NT5C1B: variants seen among roughly 807,000 people sequenced by gnomAD.
NT5C1B encodes the protein 5'-nucleotidase, cytosolic IB, also known as cytosolic 5'-nucleotidase 1B.
Under a neutral mutation model 57.8 loss-of-function variants are expected in NT5C1B, and 44 were observed. That is an observed-to-expected ratio of 0.76 (90% confidence interval 0.60 to 0.98). NT5C1B has a LOEUF of 0.98. Among genes scored for constraint, NT5C1B ranks in the 50% least tolerant of loss-of-function variants. The pLI, the probability that NT5C1B is intolerant of heterozygous loss-of-function variation, is 0.00. For missense variants in NT5C1B, 742 were observed against 719.5 expected (o/e 1.03, Z -0.36); for synonymous variants, 284 against 282.6 (o/e 1.00, Z -0.05).
intron 3 of NT5C1B, among the ~76,000 whole-genome samples, chr2:18,585,579 A>G (rs1283640538): frequency 6.6e-6 from 1 of 152,188 alleles, no homozygotes; most frequent in Non-Finnish European, 1.5e-5. Flanking sequence ...GGTGAAGCAC[A>G]GTTACATAGA....
intron 2 of NT5C1B, chr2:18,587,233 T>G (rs1196874690): frequency 1.3e-6 from 2 of 1,548,634 alleles, no homozygotes; most frequent in African/African-American, 2.7e-5. Flanking sequence ...CTCCCTGATT[T>G]GAACAAAGAC....
chr2:18,578,990 C>A (rs1665947002), intron 6 of NT5C1B, among the ~76,000 whole-genome samples: 1 of 152,088 alleles, frequency 6.6e-6, no homozygotes, highest in East Asian at 1.9e-4. Flanking sequence ...TTTCTATATA[C>A]CAACAATGTT....
At chr2:18,582,687 T>C (rs1666282896) in intron 6 of NT5C1B, among the ~76,000 whole-genome samples, 181 bp downstream of exon 6, 1 of 152,186 alleles carries the variant, frequency 6.6e-6, no homozygotes, top group African/African-American at 2.4e-5. Flanking sequence ...AACTCTGTGC[T>C]GAAGTTAAAA....
At chr2:18,586,631 T>C (rs1039935367) in intron 2 of NT5C1B, 20 of 638,812 alleles carry the variant, frequency 3.1e-5, no homozygotes, top group Admixed American at 2.2e-4. Flanking sequence ...AAAACCAAGA[T>C]GCAAACATAT....
At chr2:18,568,215 T>TA (rs1234874300) in intron 8 of NT5C1B, among the ~76,000 whole-genome samples, 20 of 151,530 alleles carry the variant, frequency 1.3e-4, no homozygotes, top group African/African-American at 4.9e-4. Context: ...GGACCAAAGA[T>TA]ACAAAATTCA....
chr2:18,563,831 C>T lies in NT5C1B; in HGVS notation c.1618G>A (p.Ala540Thr), dbSNP rs1271872801. Reference sequence around the variant, plus strand: ...AATTTTTTATTAAAGCCATAAGCTGCGATGGAACCTAACCTCTGTGCCCCT... The same window carrying T: ...AATTTTTTATTAAAGCCATAAGCTGTGATGGAACCTAACCTCTGTGCCCCT... Residue 540 changes from alanine (A) to threonine (T), a missense_variant, in exon 9 of 9, where the codon GCA becomes ACA. Transcript: ENST00000304081. 6.9e-6 allele frequency: 11 copies of T among 1,587,544 alleles called. No individual in the cohort carries two copies. The highest frequency in any genetic ancestry group is 2.7e-5 in the African/African-American group (2 of 73,844).
chr2:18,580,505 C>T (rs1442561124), intron 6 of NT5C1B, among the ~76,000 whole-genome samples: 1 of 152,148 alleles, frequency 6.6e-6, no homozygotes, highest in Non-Finnish European at 1.5e-5. Flanking sequence ...ATCCCAGCTA[C>T]TCGGGAGGCT....
chr2:18,568,436 A>T (rs1664853323), intron 8 of NT5C1B, among the ~76,000 whole-genome samples: 1 of 152,176 alleles, frequency 6.6e-6, no homozygotes, highest in Admixed American at 6.5e-5. Flanking sequence ...TAAACAAAAC[A>T]AAATAAAACA....
chr2:18,582,725 T>C (rs1371659863), intron 6 of NT5C1B, 143 bp downstream of exon 6: 31 of 1,275,464 alleles, frequency 2.4e-5, no homozygotes, highest in Non-Finnish European at 3.3e-5. Context: ...TGTTCTGACA[T>C]AGGCAAATAA....
chr2:18,589,499 A>T lies in NT5C1B; in HGVS notation c.-31T>A. The T allele has an allele frequency of 6.2e-7, 1 of 1,613,712 alleles. No homozygotes were observed. Among genetic ancestry groups the T allele is most frequent in the Non-Finnish European group, 8.5e-7 (1 of 1,179,928 alleles). On this transcript the variant is annotated 5_prime_UTR_variant, in exon 1 of 9. It removes the in-frame stop codon of an upstream open reading frame in the 5' UTR. Coordinates refer to ENST00000304081, the Ensembl canonical transcript of NT5C1B. ...TACCTGTTGAAATTCTTTTGTTGTT[A>T]TCCACATTTTTGTCTCCCCAGCTCC...
At chr2:18,576,967 T>C in intron 6 of NT5C1B, 72 bp from the exon 7 acceptor site, 13 of 1,599,370 alleles carry the variant, frequency 8.1e-6, no homozygotes, top group Non-Finnish European at 1.1e-5. Flanking sequence ...AAGTAAAAGT[T>C]ACCTTAGAGA....
intron 8 of NT5C1B, among the ~76,000 whole-genome samples, chr2:18,565,602 C>A (rs1038352200): frequency 3.3e-5 from 5 of 152,124 alleles, no homozygotes; most frequent in African/African-American, 1.2e-4. Flanking sequence ...CATGAGTAGG[C>A]AGCCCAGATA....
At chr2:18,586,449 C>T (rs960235416) in intron 2 of NT5C1B, 58 bp from the exon 3 acceptor site, 35 of 1,596,456 alleles carry the variant, frequency 2.2e-5, no homozygotes, top group Non-Finnish European at 2.5e-5. Flanking sequence ...TCCTTCTATA[C>T]GTGTGCCTGC....
chr2:18,588,070 A>T (rs1161948911), intron 1 of NT5C1B, among the ~76,000 whole-genome samples: 2 of 152,118 alleles, frequency 1.3e-5, no homozygotes. Flanking sequence ...AAATATAAGG[A>T]CCTTAATCTC....
At chr2:18,589,373 A>G in intron 1 of NT5C1B, 66 bp downstream of exon 1, 2 of 1,609,240 alleles carry the variant, frequency 1.2e-6, no homozygotes, top group Non-Finnish European at 1.7e-6. Context: ...GCAGAGGCAA[A>G]TGATGGACTG....
intron 6 of NT5C1B, among the ~76,000 whole-genome samples, chr2:18,578,284 C>T (rs906822436): frequency 1.3e-5 from 2 of 152,010 alleles, no homozygotes; most frequent in Non-Finnish European, 2.9e-5. Flanking sequence ...GTCAACATAA[C>T]TCTGATACCA....
At chr2:18,580,516 G>A (rs1468104062) in intron 6 of NT5C1B, among the ~76,000 whole-genome samples, 1 of 152,206 alleles carries the variant, frequency 6.6e-6, no homozygotes, top group African/African-American at 2.4e-5. Context: ...TCGGGAGGCT[G>A]AGGCAGGAGA....
intron 8 of NT5C1B, among the ~76,000 whole-genome samples, chr2:18,565,088 T>C (rs1205137298): frequency 6.6e-6 from 1 of 152,190 alleles, no homozygotes; most frequent in African/African-American, 2.4e-5. Flanking sequence ...TTTTGCATTA[T>C]TACATTTTGT....
chr2:18,586,431 T>A, intron 2 of NT5C1B, 40 bp from the exon 3 acceptor site: 1 of 1,609,476 alleles, frequency 6.2e-7, no homozygotes, highest in Non-Finnish European at 8.5e-7. Flanking sequence ...TAAAACCCCA[T>A]CACCAACTCC....
Sources: allele counts gnomAD v4.1 joint callset (sites outside exome capture counted in the v4.1 genomes callset), GRCh38; gene constraint gnomAD v4.1.1; transcripts MANE v1.5; gene names NCBI Gene and HGNC (gene_info 2026-07-23, HGNC 2026-07-21).